Variants in PCSK5 observed in about 807,000 individuals in gnomAD.
PCSK5 encodes the protein proprotein convertase subtilisin/kexin type 5.
A neutral mutation model predicts 233.2 loss-of-function variants in PCSK5; 129 were observed. The observed-to-expected ratio is 0.55, with a 90% CI of 0.48 to 0.64. The LOEUF (loss-of-function observed/expected upper bound fraction) is 0.64, where lower values mean the gene tolerates loss of function less well. PCSK5 is among the 30% of genes least tolerant of loss of function. PCSK5 has a pLI of 0.00. For synonymous variants in PCSK5, 825 were observed against 879.2 expected, an observed-to-expected ratio of 0.94 and a Z score of 1.09; for missense variants, 2,076 against 2,430.1, an observed-to-expected ratio of 0.85 and a Z score of 3.06.
At chr9:75,945,203 A>G (rs1824509496) in intron 2 of PCSK5, among the ~76,000 whole-genome samples, 1 of 151,280 alleles carries the variant, frequency 6.6e-6, no homozygotes, top group African/African-American at 2.4e-5. Flanking sequence ...AACATATAAA[A>G]TATAATAATA....
rs757117001 is a variant in PCSK5 at position 76,296,774 on chromosome 9, C to G, written c.3432C>G (p.Asp1144Glu). ...AAACCTGCACAGGCCCTGGTCATGA[C>G]GAGTGCAGCAGCTGCCAGGAAGGAC... The part of the protein sequence containing the change: ...ACETCTGPGH[D>E]ECSSCQEGLQ... The change falls in exon 27 of 38, where the codon GAC (aspartate) becomes GAG (glutamate). Residue 1144 changes from aspartate to glutamate, a missense_variant. Around this residue, in one of 6 missense-constraint regions of PCSK5, gnomAD observed 1,510 missense variants for 1,538.1 expected, o/e 0.98. Coordinates refer to ENST00000674117, the MANE Select transcript of PCSK5 (RefSeq NM_001372043.1). 6.2e-7 allele frequency: 1 copy of G among 1,611,510 alleles called. No individual in the cohort carries two copies. The highest frequency in any genetic ancestry group is 1.1e-5 in the South Asian group (1 of 91,040).
chr9:75,934,378 T>C (rs901006093), intron 2 of PCSK5, among the ~76,000 whole-genome samples: 2 of 152,168 alleles, frequency 1.3e-5, no homozygotes, highest in Non-Finnish European at 2.9e-5. Flanking sequence ...GGATCTTTCT[T>C]GTAGTTCATT....
intron 5 of PCSK5, among the ~76,000 whole-genome samples, chr9:76,062,963 C>A (rs1015290056): frequency 6.6e-6 from 1 of 152,138 alleles, no homozygotes; most frequent in African/African-American, 2.4e-5. Flanking sequence ...CAGTCCTACC[C>A]TTCCCAGCCT....
chr9:76,181,648 G>A lies in PCSK5; in HGVS notation c.2197+57G>A, dbSNP rs567484254. 4.3e-5 allele frequency: 52 copies of A among 1,223,086 alleles called. No homozygotes were observed. The African/African-American group carries it at 7.4e-4, about 17-fold the overall frequency. 75.8% of individuals were successfully genotyped at this position (1,223,086 alleles called of 1,614,324 possible). On this transcript the variant is annotated intron_variant, in intron 16 of 37. Coordinates refer to ENST00000674117, the MANE Select transcript of PCSK5 (RefSeq NM_001372043.1). ...GAAGAAATGTGGTGTTTTCATTTGA[G>A]TGACCTCAGGAGGGATAGCCTCTTT...
intron 2 of PCSK5, among the ~76,000 whole-genome samples, chr9:75,971,101 G>A (rs1435982053): frequency 3.3e-5 from 3 of 91,298 alleles, no homozygotes; most frequent in Admixed American, 1.4e-4. Flanking sequence ...CCACCCCCAC[G>A]ACAGGCCCCA....
intron 27 of PCSK5, among the ~76,000 whole-genome samples, chr9:76,299,844 G>A (rs1487085123): frequency 6.6e-6 from 1 of 152,170 alleles, no homozygotes; most frequent in Non-Finnish European, 1.5e-5. Flanking sequence ...CCACTTTTGG[G>A]AATGGAAGCA....
intron 2 of PCSK5, among the ~76,000 whole-genome samples, chr9:75,969,219 T>C (rs2131360987): frequency 6.6e-6 from 1 of 152,346 alleles, no homozygotes; most frequent in Admixed American, 6.5e-5. Flanking sequence ...GAGCTTAATG[T>C]CATTGTTCTA....
chr9:75,897,390 T>G (rs1825851854), intron 1 of PCSK5, among the ~76,000 whole-genome samples: 1 of 151,632 alleles, frequency 6.6e-6, no homozygotes, highest in Non-Finnish European at 1.5e-5. Context: ...AGGGGGCAAC[T>G]GACAAGAAAA....
At chr9:76,292,892 C>T (rs190801015) in intron 25 of PCSK5, among the ~76,000 whole-genome samples, 35 of 152,272 alleles carry the variant, frequency 2.3e-4, no homozygotes, top group East Asian at 7.7e-4. Flanking sequence ...AAAGGAAGTC[C>T]GTGGGTGATG....
At chr9:76,101,268 T>C (rs757634646) in intron 8 of PCSK5, among the ~76,000 whole-genome samples, 2 of 152,208 alleles carry the variant, frequency 1.3e-5, no homozygotes, top group Non-Finnish European at 2.9e-5. Flanking sequence ...AAGTTGTTTA[T>C]ATAGCTGCAG....
chr9:75,897,878 AC>A (rs1024431781), intron 1 of PCSK5, among the ~76,000 whole-genome samples: 2 of 152,182 alleles, frequency 1.3e-5, no homozygotes, highest in Admixed American at 1.3e-4. Flanking sequence ...TAAAACTGAC[AC>A]ATAATAGGCC....
intron 11 of PCSK5, 116 bp from the exon 12 acceptor site, chr9:76,158,867 A>G (rs1822720518): frequency 6.0e-6 from 5 of 830,956 alleles, no homozygotes; most frequent in Non-Finnish European, 2.0e-6. Context: ...ACTGTTGTTT[A>G]GTATCCAGCT....
At chr9:75,910,923 A>T (rs1822699122) in intron 1 of PCSK5, among the ~76,000 whole-genome samples, 2 of 152,190 alleles carry the variant, frequency 1.3e-5, no homozygotes, top group African/African-American at 4.8e-5. Flanking sequence ...AACATCTGAG[A>T]TTTAAAATGT....
intron 3 of PCSK5, 114 bp from the exon 4 acceptor site, chr9:76,023,624 C>T: frequency 1.0e-6 from 1 of 971,082 alleles, no homozygotes; most frequent in Non-Finnish European, 1.5e-6. Context: ...CATCACACTA[C>T]TACACTCCAG....
In PCSK5 at chr9:76,227,579, A is replaced by G; in HGVS notation, c.2703A>G (p.Glu901=). 1.2e-6 allele frequency: 2 copies of G among 1,611,158 alleles called. No homozygotes were observed. The highest frequency in any genetic ancestry group is 1.7e-6 in the Non-Finnish European group (2 of 1,178,942). The part of the protein sequence containing the change: ...SCAKCQGPTQ[E]DCTTCPMTRI... ...CCAAGTGCCAGGGACCAACCCAGGA[A>G]GACTGCACTACCTGCCCCATGACAA... The change falls in exon 21 of 38, where the codon GAA becomes GAG. Residue 901 remains glutamate, a synonymous_variant. Coordinates refer to ENST00000674117, the MANE Select transcript of PCSK5 (RefSeq NM_001372043.1).
chr9:76,003,976 AT>A (rs1411699751), intron 3 of PCSK5, among the ~76,000 whole-genome samples: 1 of 151,978 alleles, frequency 6.6e-6, no homozygotes, highest in African/African-American at 2.4e-5. Flanking sequence ...TTTTATTTTT[AT>A]TTTTTGTAGA....
intron 5 of PCSK5, among the ~76,000 whole-genome samples, chr9:76,066,926 C>T (rs1398584043): frequency 1.3e-5 from 2 of 152,096 alleles, no homozygotes; most frequent in Non-Finnish European, 2.9e-5. Context: ...CTCCTAGATG[C>T]CCTCCTCTCT....
chr9:75,903,553 T>A (rs989000042), intron 1 of PCSK5, among the ~76,000 whole-genome samples: 2 of 81,012 alleles, frequency 2.5e-5, no homozygotes, highest in Non-Finnish European at 4.7e-5. Context: ...TATGTGCATG[T>A]GTGTATATAT....
intron 24 of PCSK5, among the ~76,000 whole-genome samples, chr9:76,251,490 A>G (rs1288375368): frequency 2.5e-4 from 35 of 140,258 alleles, no homozygotes; most frequent in Admixed American, 1.5e-4. Context: ...TTAAACCTGG[A>G]GGGACGGAGC....
Sources: gnomAD v4.1 joint callset for allele counts (sites outside exome capture counted in the v4.1 genomes callset) on GRCh38, gnomAD v4.1.1 for gene constraint, gnomAD v4.1.1 regional missense constraint, MANE v1.5 for transcripts, NCBI Gene and HGNC (gene_info 2026-07-23, HGNC 2026-07-21) for gene names.